The following SVOPL variants were observed in gnomAD, a reference collection of about 807,000 sequenced individuals.
SVOPL encodes putative transporter SVOPL.
SVOPL carries 60 observed loss-of-function variants against 61.0 expected under a neutral mutation model. The observed-to-expected ratio is 0.98, with a 90% CI of 0.80 to 1.22. The LOEUF (loss-of-function observed/expected upper bound fraction) is 1.22. Among genes scored for constraint, SVOPL ranks in the 50% most tolerant of loss-of-function variants. The probability of loss-of-function intolerance (pLI) is 0.00; values close to 1 mark genes in which losing one functional copy is unlikely to be tolerated. For synonymous variants in SVOPL, 279 were observed against 250.0 expected (o/e 1.12, Z -1.09); for missense variants, 662 against 643.9 (o/e 1.03, Z -0.30).
At chr7:138,626,120 G>T in intron 12 of SVOPL, 70 bp from the exon 13 acceptor site, 12 of 1,438,304 alleles carry the variant, frequency 8.3e-6, no homozygotes, top group Non-Finnish European at 9.7e-6. Context: ...GCCCAGCTTC[G>T]AGTGCACTGT....
At chr7:138,641,243 A>C (rs913216058) in intron 9 of SVOPL, among the ~76,000 whole-genome samples, 6 of 149,180 alleles carry the variant, frequency 4.0e-5, no homozygotes, top group East Asian at 4.0e-4. Context: ...AAAAAAAAAA[A>C]AACTTAAATT....
chr7:138,637,182 C>T (rs1800506295), intron 9 of SVOPL, among the ~76,000 whole-genome samples: 1 of 151,992 alleles, frequency 6.6e-6, no homozygotes, highest in Admixed American at 6.6e-5. Flanking sequence ...AATCTCAGCA[C>T]TTTGGGAAGT....
At chr7:138,608,390 C>A (rs139546934) in intron 14 of SVOPL, among the ~76,000 whole-genome samples, 2 of 152,158 alleles carry the variant, frequency 1.3e-5, no homozygotes, top group African/African-American at 2.4e-5. Flanking sequence ...ACTAAAATAG[C>A]GAGCTAGAAA....
intron 14 of SVOPL, among the ~76,000 whole-genome samples, chr7:138,598,836 T>A (rs1282223066): frequency 3.9e-5 from 6 of 152,178 alleles, no homozygotes; most frequent in Non-Finnish European, 8.8e-5. Flanking sequence ...ATAACTCTAT[T>A]AAGTACATTA....
chr7:138,667,945 C>T (rs1342113896), intron 4 of SVOPL, among the ~76,000 whole-genome samples: 1 of 152,200 alleles, frequency 6.6e-6, no homozygotes, highest in Non-Finnish European at 1.5e-5. Context: ...ACTAGACTGC[C>T]TTTGTAGGAC....
chr7:138,596,591 T>C, intron 14 of SVOPL, 61 bp from the exon 15 acceptor site: 1 of 1,573,288 alleles, frequency 6.4e-7, no homozygotes. Flanking sequence ...AACTGTTCTT[T>C]ATGTGAAAGA....
intron 14 of SVOPL, among the ~76,000 whole-genome samples, chr7:138,599,684 T>C (rs917006904): frequency 6.6e-6 from 1 of 152,030 alleles, no homozygotes; most frequent in Non-Finnish European, 1.5e-5. Flanking sequence ...GGTCAGGAGT[T>C]CAAGACCAGC....
chr7:138,615,332 C>T (rs917593665), intron 14 of SVOPL, among the ~76,000 whole-genome samples: 1 of 152,086 alleles, frequency 6.6e-6, no homozygotes, highest in Non-Finnish European at 1.5e-5. Flanking sequence ...CCGAGATGGG[C>T]AGATCACGAA....
chr7:138,594,645 T>A, intron 15 of SVOPL, 24 bp from the exon 16 acceptor site: 1 of 1,583,902 alleles, frequency 6.3e-7, no homozygotes, highest in Non-Finnish European at 8.6e-7. Flanking sequence ...ATTTAATAGA[T>A]CAGTAATAGA....
At chr7:138,599,469 G>T (rs1252824069) in intron 14 of SVOPL, among the ~76,000 whole-genome samples, 1 of 152,190 alleles carries the variant, frequency 6.6e-6, no homozygotes, top group Admixed American at 6.5e-5. Flanking sequence ...CATTTGAGGG[G>T]TGACACACAA....
Position 138,628,463 on chromosome 7 carries a change from A to G in SVOPL, c.864-100T>C, listed in dbSNP as rs1440914596. The G allele has an allele frequency of 3.2e-6, 4 of 1,252,304 alleles. No homozygotes were observed. The African/African-American group carries it at 4.4e-5, about 14-fold the overall frequency. The allele number at this position is 1,252,304 out of a possible 1,614,324, so 77.6% of individuals were successfully genotyped here. On this transcript the variant is annotated intron_variant, in intron 10 of 15. Coordinates refer to ENST00000674285, the MANE Select transcript of SVOPL (RefSeq NM_001139456.2). The stretch of plus-strand genomic sequence containing the variant: ...GTGGAACGTGTAGCATGTGGAAAGC[A>G]AAGAGAGCAGAAAGCCAGGCTCAGA...
chr7:138,637,457 T>TAG (rs1256875684), intron 9 of SVOPL, among the ~76,000 whole-genome samples: 23 of 15,330 alleles, frequency 1.5e-3, no homozygotes, highest in African/African-American at 2.6e-3. Context: ...GATAGATAGA[T>TAG]ATATATATAT....
chr7:138,610,743 T>C (rs1798963303), intron 14 of SVOPL, among the ~76,000 whole-genome samples: 1 of 152,204 alleles, frequency 6.6e-6, no homozygotes, highest in African/African-American at 2.4e-5. Flanking sequence ...GACACACCCT[T>C]ATGAGGCTCC....
chr7:138,641,260 A>G (rs552662229), intron 9 of SVOPL, among the ~76,000 whole-genome samples: 2 of 147,858 alleles, frequency 1.4e-5, no homozygotes, highest in East Asian at 4.0e-4. Context: ...AATTCAGTTT[A>G]GACAACTACA....
chr7:138,673,563 T>C (rs1186386898), intron 3 of SVOPL, among the ~76,000 whole-genome samples: 2 of 152,082 alleles, frequency 1.3e-5, no homozygotes, highest in African/African-American at 4.8e-5. Flanking sequence ...GAGAATCACT[T>C]GCACCCAGGA....
intron 4 of SVOPL, among the ~76,000 whole-genome samples, chr7:138,669,749 T>C (rs1217614766): frequency 2.0e-5 from 3 of 152,260 alleles, no homozygotes; most frequent in African/African-American, 7.2e-5. Context: ...TATACGTTTC[T>C]GTCCCAAGCT....
At position 138,603,920 on chromosome 7, in the gene SVOPL, C is replaced by T. The variant is rs550947883; in HGVS notation, c.1354-7390G>A. ...ACATTTGGCTTTCGATAAACCTTTA[C>T]AAAATTATTTCTGTCTCAAAAACCT... On this transcript the variant is annotated intron_variant, in intron 14 of 15. Coordinates refer to ENST00000674285, the MANE Select transcript of SVOPL (RefSeq NM_001139456.2). Among the ~76,000 whole-genome samples the T allele has an allele frequency of 2.0e-4, 29 of 148,522 alleles. 1 individual carries two copies. In the Middle Eastern group the frequency reaches 0.014, roughly 72 times the overall value.
chr7:138,637,451 G>GATATATAT (rs1563108568), intron 9 of SVOPL, among the ~76,000 whole-genome samples: 2 of 36,024 alleles, frequency 5.6e-5, no homozygotes, highest in African/African-American at 2.8e-4. Flanking sequence ...TAGATAGATA[G>GATATATAT]ATAGATATAT....
At position 138,644,754 on chromosome 7, in the gene SVOPL, G is replaced by T; in HGVS notation, c.752C>A (p.Ser251Ter). Residue 251 changes from serine to a stop codon, truncating the protein, a stop_gained, in exon 9 of 16, where the codon TCG becomes TAG. Coordinates refer to ENST00000674285, the MANE Select transcript of SVOPL (RefSeq NM_001139456.2). LOFTEE classifies it high-confidence loss of function. Reference sequence around the variant, plus strand: ...CACCAGCTTCCCCTCCGGCATGACCGAGCGGTTCATCTTGGCAACGCGCTC... The same window carrying T: ...CACCAGCTTCCCCTCCGGCATGACCTAGCGGTTCATCTTGGCAACGCGCTC... Reference protein sequence around the residue: ...TLERVAKMNRSVMPEGKLVEP... With the variant: ...TLERVAKMNR The T allele has an allele frequency of 6.2e-7, 1 of 1,614,124 alleles. No individual in the cohort carries two copies. Among genetic ancestry groups the T allele is most frequent in the South Asian group, 1.1e-5 (1 of 91,078 alleles).
Sources: gnomAD v4.1 joint callset for allele counts (sites outside exome capture counted in the v4.1 genomes callset) on GRCh38, gnomAD v4.1.1 for gene constraint, MANE v1.5 for transcripts, NCBI Gene and HGNC (gene_info 2026-07-23, HGNC 2026-07-21) for gene names.